The following NIPAL3 variants were observed in gnomAD, a reference collection of about 807,000 sequenced individuals.
NIPAL3 encodes NIPA like domain containing 3, also known as NIPA-like protein 3.
In NIPAL3, 41 loss-of-function variants were observed where a neutral mutation model predicts 47.2. The ratio of observed to expected loss-of-function variants is 0.87; its 90% CI spans 0.68 to 1.13. The LOEUF (loss-of-function observed/expected upper bound fraction) is 1.13, where lower values mean the gene tolerates loss of function less well. Among genes scored for constraint, NIPAL3 ranks in the 50% most tolerant of loss-of-function variants. NIPAL3 has a pLI of 0.00. For synonymous variants in NIPAL3, 194 were observed against 209.6 expected (o/e 0.93, Z 0.64); for missense variants, 449 against 530.1 (o/e 0.85, Z 1.50).
rs72652567 is a variant in NIPAL3, at chr1:24,442,126, G to A, written c.234G>A (p.Leu78=). The change falls in exon 4 of 12, where the codon CTG becomes CTA. Residue 78 remains leucine (L), a synonymous_variant. Transcript: ENST00000374399. ...ATTTCAAGACCAAGACATGGTGGCTGGGCCTGTTCCTGATGCTTCTGGGCG... is the reference window on the plus strand; with the variant it reads ...ATTTCAAGACCAAGACATGGTGGCTAGGCCTGTTCCTGATGCTTCTGGGCG... The part of the protein sequence containing the change: ...RAYFKTKTWW[L]GLFLMLLGEL... The A allele has an allele frequency of 3.7e-6, 6 of 1,614,196 alleles. No individual in the cohort carries two copies. Among genetic ancestry groups the A allele is most frequent in the Non-Finnish European group, 5.1e-6 (6 of 1,180,012 alleles).
intron 3 of NIPAL3, among the ~76,000 whole-genome samples, chr1:24,440,443 A>G (rs1645325969): frequency 6.6e-6 from 1 of 152,112 alleles, no homozygotes; most frequent in Non-Finnish European, 1.5e-5. Context: ...CCTCCTAGCC[A>G]GGTCCTCACT....
intron 2 of NIPAL3, among the ~76,000 whole-genome samples, chr1:24,425,885 A>G (rs986687308): frequency 3.9e-5 from 6 of 152,138 alleles, no homozygotes; most frequent in South Asian, 2.1e-4. Flanking sequence ...TCACCTTTTC[A>G]TCCATGAAGC....
At chr1:24,431,889 AT>A (rs1557496093) in intron 2 of NIPAL3, among the ~76,000 whole-genome samples, 1 of 150,198 alleles carries the variant, frequency 6.7e-6, no homozygotes. Context: ...TTCAGAAATC[AT>A]TCTTCAGAGA....
At chr1:24,432,288 C>T (rs768066543) in intron 2 of NIPAL3, among the ~76,000 whole-genome samples, 6 of 152,076 alleles carry the variant, frequency 3.9e-5, no homozygotes, top group South Asian at 2.1e-4. Flanking sequence ...CCACCATGCC[C>T]GGCTAATTTT....
intron 4 of NIPAL3, among the ~76,000 whole-genome samples, chr1:24,443,731 A>T (rs577972353): frequency 6.6e-6 from 1 of 152,176 alleles, no homozygotes; most frequent in Non-Finnish European, 1.5e-5. Context: ...TTTTTCCCAC[A>T]CAGTACTTTT....
At chr1:24,426,828 T>C (rs563173430) in intron 2 of NIPAL3, among the ~76,000 whole-genome samples, 3 of 152,256 alleles carry the variant, frequency 2.0e-5, no homozygotes, top group African/African-American at 7.2e-5. Context: ...GGGAACCTGA[T>C]TGGGTGTTGC....
chr1:24,449,354 C>A lies in NIPAL3; in HGVS notation c.395-127C>A. On this transcript the variant is annotated intron_variant, in intron 5 of 11. Coordinates refer to ENST00000374399, the MANE Select transcript of NIPAL3 (RefSeq NM_020448.5). The surrounding 1 kb of genome is among the most constrained non-coding windows in gnomAD (Gnocchi z 4.5). ...TTTATTTTTTAAAGTAAAGAAAAAC[C>A]AAAAATACAAACAATACCAGGTCAT... 1.0e-5 allele frequency: 10 copies of A among 968,416 alleles called. No homozygotes were observed. The highest frequency in any genetic ancestry group is 5.5e-5 in the East Asian group (2 of 36,096). 60.0% of individuals were successfully genotyped at this position (968,416 alleles called of 1,614,324 possible). A position where few individuals can be genotyped will look rare whatever the true frequency, so the allele number is the denominator to read the frequency against.
rs1475370173 is a variant in NIPAL3, at chr1:24,469,993, A to G, written c.*808A>G. On this transcript the variant is annotated 3_prime_UTR_variant, in exon 12 of 12. Transcript: ENST00000374399. ...AGGTGATTGCACCACTTAAAAAAGG[A>G]TAGGTAGAAAATCTGGCCATTTTAT... 6.6e-6 allele frequency: 1 copy of G among 152,198 alleles called. No homozygotes were observed. Among genetic ancestry groups the G allele is most frequent in the Non-Finnish European group, 1.5e-5 (1 of 68,036 alleles). 9.4% of individuals were successfully genotyped at this position (152,198 alleles called of 1,614,324 possible).
chr1:24,439,909 A>T (rs1645294786), intron 2 of NIPAL3, among the ~76,000 whole-genome samples: 1 of 152,266 alleles, frequency 6.6e-6, no homozygotes, highest in Admixed American at 6.5e-5. Context: ...TAAAGGGAAT[A>T]GCACAGCAGG....
intron 11 of NIPAL3, chr1:24,465,942 G>T (rs1367318569): frequency 1.3e-6 from 2 of 1,551,134 alleles, no homozygotes; most frequent in Non-Finnish European, 1.7e-6. Flanking sequence ...CTAAACAGAG[G>T]TGCTTTTCCA....
upstream of NIPAL3, chr1:24,414,337 C>A (rs116150919): frequency 9.9e-5 from 15 of 151,268 alleles, no homozygotes; most frequent in Admixed American, 7.3e-4. Context: ...TGAGCCACCA[C>A]GCCCGGCCCC....
intron 2 of NIPAL3, among the ~76,000 whole-genome samples, chr1:24,430,009 CA>C (rs1240518542): frequency 1.3e-4 from 20 of 151,696 alleles, no homozygotes; most frequent in Admixed American, 1.3e-3. Context: ...GATTATTAAG[CA>C]AAAAAAGTAT....
At chr1:24,447,803 T>C (rs1161786108) in intron 5 of NIPAL3, among the ~76,000 whole-genome samples, 1 of 152,364 alleles carries the variant, frequency 6.6e-6, no homozygotes, top group African/African-American at 2.4e-5. Context: ...TGGGCATCTG[T>C]AGTTTTGTAG....
Position 24,469,267 on chromosome 1 carries a change from C to T in NIPAL3, c.*82C>T, listed in dbSNP as rs909128122. On this transcript the variant is annotated 3_prime_UTR_variant, in exon 12 of 12. Coordinates refer to ENST00000374399, the MANE Select transcript of NIPAL3 (RefSeq NM_020448.5). The stretch of plus-strand genomic sequence containing the variant: ...GAATCCTAAAACTTGCCTTTCAAGT[C>T]TCATTTTGTTTCTAACTGAGAACTC... 8 of 1,215,550 alleles carry T rather than the reference C, an allele frequency of 6.6e-6. No homozygotes were observed. The African/African-American group carries it at 1.2e-4, about 19-fold the overall frequency. The allele number at this position is 1,215,550 out of a possible 1,614,324, so 75.3% of individuals were successfully genotyped here. A position where few individuals can be genotyped will look rare whatever the true frequency, so the allele number is the denominator to read the frequency against.
chr1:24,468,477 C>T (rs531816631), intron 11 of NIPAL3, among the ~76,000 whole-genome samples: 12 of 152,302 alleles, frequency 7.9e-5, no homozygotes, highest in Non-Finnish European at 1.6e-4. Flanking sequence ...ATAAGCAAAT[C>T]TCACCTTCCC....
intron 2 of NIPAL3, among the ~76,000 whole-genome samples, chr1:24,428,254 AAGAAAG>A (rs1205487277): frequency 1.8e-5 from 1 of 54,134 alleles, no homozygotes; most frequent in Admixed American, 2.0e-4. Flanking sequence ...CTGTCTCAAA[AAGAAAG>A]AGAGAGAGAG....
chr1:24,451,748 A>T lies in NIPAL3; in HGVS notation c.541-1660A>T, dbSNP rs1645946923. On this transcript the variant is annotated intron_variant, in intron 6 of 11. Transcript: ENST00000374399. The surrounding 1 kb of genome is among the most constrained non-coding windows in gnomAD (Gnocchi z 4.5). ...AAAAATCATGGAGAATGGCTGAAGA[A>T]TTGGGACCCCTCAAATGCAGGCACA... Among the ~76,000 whole-genome samples the T allele has an allele frequency of 6.6e-6, 1 of 152,138 alleles. No homozygotes were observed. Among genetic ancestry groups the T allele is most frequent in the African/African-American group, 2.4e-5 (1 of 41,422 alleles).
chr1:24,441,297 A>G (rs1557508250), intron 3 of NIPAL3, among the ~76,000 whole-genome samples: 1 of 152,086 alleles, frequency 6.6e-6, no homozygotes, highest in South Asian at 2.1e-4. Context: ...CGCTGAGACC[A>G]CGTGGTCTCT....
At chr1:24,465,202 T>A (rs1317655375) in intron 11 of NIPAL3, 1 of 152,134 alleles carries the variant, frequency 6.6e-6, no homozygotes, top group Non-Finnish European at 1.5e-5. Flanking sequence ...GTTAAGTGCA[T>A]GAGCTTTGGT....
Sources: allele counts gnomAD v4.1 joint callset (sites outside exome capture counted in the v4.1 genomes callset), GRCh38; gene constraint gnomAD v4.1.1; non-coding constraint Gnocchi (gnomAD v3.1); transcripts MANE v1.5; gene names NCBI Gene and HGNC (gene_info 2026-07-23, HGNC 2026-07-21).